Variants in RBFOX1 observed in about 807,000 individuals in gnomAD.
RBFOX1 encodes the protein RNA binding fox-1 homolog 1, also known as RNA binding protein fox-1 homolog 1.
A neutral mutation model predicts 57.7 loss-of-function variants in RBFOX1; 8 were observed. The observed-to-expected ratio is 0.14, with a 90% confidence interval of 0.08 to 0.25. The LOEUF is 0.25. Among genes scored for constraint, RBFOX1 ranks in the 10% least tolerant of loss-of-function variants. The pLI, the probability that RBFOX1 is intolerant of heterozygous loss-of-function variation, is 1.00. For synonymous variants in RBFOX1, 326 were observed against 222.4 expected (o/e 1.47, Z -4.15); for missense variants, 611 against 548.5 (o/e 1.11, Z -1.14).
chr16:6,198,605 C>A (rs1047773985), intron 1 of RBFOX1, among the ~76,000 whole-genome samples: 2 of 152,046 alleles, frequency 1.3e-5, no homozygotes, highest in African/African-American at 4.8e-5. Context: ...TCCTAACATT[C>A]CATGCTTTTA....
At chr16:6,357,538 G>C (rs73530355) in intron 2 of RBFOX1, among the ~76,000 whole-genome samples, 1,566 of 151,996 alleles carry the variant, frequency 0.01, 21 homozygotes, top group African/African-American at 0.035. Flanking sequence ...GGTGGAGGTC[G>C]TCTGCACAAG....
At chr16:7,524,752 G>A (rs967562611) in intron 5 of RBFOX1, among the ~76,000 whole-genome samples, 2 of 152,200 alleles carry the variant, frequency 1.3e-5, no homozygotes, top group African/African-American at 4.8e-5. Context: ...TGTTAACTGC[G>A]CCTCCAAATT....
intron 4 of RBFOX1, among the ~76,000 whole-genome samples, chr16:7,167,985 C>T (rs908510678): frequency 2.2e-4 from 33 of 152,142 alleles, no homozygotes; most frequent in African/African-American, 7.5e-4. Flanking sequence ...CAGAACCACA[C>T]AAGGTAAGGA....
At chr16:7,704,186 C>T (rs535241131) in intron 14 of RBFOX1, among the ~76,000 whole-genome samples, 3 of 152,170 alleles carry the variant, frequency 2.0e-5, no homozygotes, top group Non-Finnish European at 4.4e-5. Context: ...AGTCCTGAAT[C>T]TCCAAGCCCT....
chr16:6,999,133 T>C (rs2092536303), intron 3 of RBFOX1, among the ~76,000 whole-genome samples: 1 of 151,520 alleles, frequency 6.6e-6, no homozygotes, highest in Non-Finnish European at 1.5e-5. Context: ...CCTCCCAAAG[T>C]ACAGGGATTA....
At chr16:5,296,727 G>A (rs934461489) in intron 1 of RBFOX1, among the ~76,000 whole-genome samples, 10 of 150,136 alleles carry the variant, frequency 6.7e-5, no homozygotes, top group African/African-American at 2.0e-4. Flanking sequence ...CATCCAGGCT[G>A]GAGTGCAGTG....
intron 4 of RBFOX1, among the ~76,000 whole-genome samples, chr16:7,446,798 ATTTTTTTTTTT>A (rs34580591): frequency 2.7e-4 from 13 of 49,016 alleles, no homozygotes; most frequent in East Asian, 1.6e-3. Flanking sequence ...AGGTCTAGGT[ATTTTTTTTTTT>A]TTTTTTTTTT....
At chr16:6,312,825 A>T (rs1156654348) in intron 1 of RBFOX1, among the ~76,000 whole-genome samples, 1 of 151,756 alleles carries the variant, frequency 6.6e-6, no homozygotes, top group African/African-American at 2.4e-5. Context: ...AATGTCTGCC[A>T]TATCCATAGC....
At chr16:7,175,799 G>A (rs942134284) in intron 4 of RBFOX1, among the ~76,000 whole-genome samples, 5 of 152,118 alleles carry the variant, frequency 3.3e-5, no homozygotes, top group African/African-American at 1.2e-4. Flanking sequence ...GCAAGTCTCT[G>A]CACATGTTTC....
chr16:6,761,886 C>T (rs964928629), intron 3 of RBFOX1, among the ~76,000 whole-genome samples: 2 of 152,114 alleles, frequency 1.3e-5, no homozygotes, highest in Admixed American at 1.3e-4. Context: ...CAGGTACCTT[C>T]TTCCTCACTC....
chr16:7,689,946 C>G (rs1020852077), intron 14 of RBFOX1, among the ~76,000 whole-genome samples: 8 of 152,010 alleles, frequency 5.3e-5, no homozygotes, highest in Non-Finnish European at 1.2e-4. Flanking sequence ...AGTCTAAAAC[C>G]TAAGTAGCTA....
At chr16:7,567,489 ATATGTATAT>A (rs2092107706) in intron 5 of RBFOX1, among the ~76,000 whole-genome samples, 4 of 24,786 alleles carry the variant, frequency 1.6e-4, no homozygotes, top group Non-Finnish European at 4.0e-4. Flanking sequence ...GTATGGCCCT[ATATGTATAT>A]CCCTATGTAT....
At chr16:6,790,773 A>G (rs551502806) in intron 3 of RBFOX1, among the ~76,000 whole-genome samples, 1 of 152,302 alleles carries the variant, frequency 6.6e-6, no homozygotes, top group East Asian at 1.9e-4. Flanking sequence ...TCAAAAGCTC[A>G]GGATGGGAAA....
In RBFOX1 at chr16:6,806,445, A is replaced by C. The variant is rs1033862055; in HGVS notation, c.-16+151795A>C. 5.3e-5 allele frequency among the ~76,000 whole-genome samples: 8 copies of C among 152,258 alleles called. No homozygotes were observed. The South Asian group carries it at 6.2e-4, about 12-fold the overall frequency. On this transcript the variant is annotated intron_variant, in intron 3 of 15. Transcript: ENST00000550418. ...TTTTTCAAATTCATATGCTAACTAG[A>C]GCTAACAAATGTTAAATAATTTCAG...
In RBFOX1 at chr16:5,476,471, C is replaced by T. The variant is rs192450139; in HGVS notation, c.258+9217C>T. On this transcript the variant is annotated intron_variant, in intron 2 of 2. Coordinates refer to the RBFOX1 transcript ENST00000585867. ...TTAATTGACATAGTTTTAATTGGAC[C>T]GTGAGCTCATTACTCATTCATGTAG... Among the ~76,000 whole-genome samples the T allele has an allele frequency of 5.7e-4, 86 of 152,206 alleles. 1 individual carries two copies. Among genetic ancestry groups the T allele is most frequent in the African/African-American group, 1.7e-3 (70 of 41,524 alleles).
exon 1 of RBFOX1, chr16:5,239,975 C>T (rs562110625): frequency 4.6e-6 from 7 of 1,529,486 alleles, no homozygotes; most frequent in South Asian, 3.6e-5. Context: ...GACGTCCCTC[C>T]CGAAGAGAAG....
intron 3 of RBFOX1, among the ~76,000 whole-genome samples, chr16:7,034,532 G>C (rs1157188830): frequency 3.9e-5 from 6 of 152,064 alleles, no homozygotes. Flanking sequence ...GATGGGAAGT[G>C]GGAAGAGGGG....
intron 2 of RBFOX1, among the ~76,000 whole-genome samples, chr16:5,485,325 G>A (rs1344217461): frequency 7.3e-5 from 8 of 108,952 alleles, no homozygotes; most frequent in African/African-American, 1.8e-4. Context: ...CAGCCTGGGC[G>A]ACAGAGCCAG....
rs376234279 is a variant in RBFOX1, at chr16:6,310,722, C to T, written c.-126-6273C>T. ...TATGACTGGGCACAGCCTGGTGCTT[C>T]GAGGTGCTGCCACTCCAATAGAAAA... is the stretch of plus-strand genomic sequence containing the variant. On this transcript the variant is annotated intron_variant, in intron 1 of 15. Coordinates refer to ENST00000550418, the MANE Select transcript of RBFOX1 (RefSeq NM_018723.4). Among the ~76,000 whole-genome samples, 16 of 152,176 alleles carry T rather than the reference C, an allele frequency of 1.1e-4. 1 individual carries two copies. The highest frequency in any genetic ancestry group is 5.8e-4 in the East Asian group (3 of 5,162).
Sources: gnomAD v4.1 joint callset for allele counts (sites outside exome capture counted in the v4.1 genomes callset) on GRCh38, gnomAD v4.1.1 for gene constraint, MANE v1.5 for transcripts, NCBI Gene and HGNC (gene_info 2026-07-23, HGNC 2026-07-21) for gene names.